Variants in MIAT observed in about 807,000 individuals in gnomAD.
MIAT encodes myocardial infarction associated transcript.
At chr22:26,672,737 A>G (rs1931097094), downstream of MIAT, 1 of 399,030 alleles carries the variant, frequency 2.5e-6, no homozygotes, top group Non-Finnish European at 4.4e-6. Context: ...CGTGTCCCAC[A>G]CCGGAAGTCA....
chr22:26,658,925 G>C (rs1238617358), intron 2 of MIAT, among the ~76,000 whole-genome samples: 1 of 152,222 alleles, frequency 6.6e-6, no homozygotes, highest in Non-Finnish European at 1.5e-5. Flanking sequence ...TTCCCATTTG[G>C]GAGCATCTGG....
chr22:26,657,336 G>A (rs1930495971), intron 2 of MIAT: 1 of 394,984 alleles, frequency 2.5e-6, no homozygotes, highest in Admixed American at 4.4e-5. Flanking sequence ...CGCTTTCCTG[G>A]CCAGGACTCT....
intron 3 of MIAT, chr22:26,665,349 C>T: frequency 2.5e-6 from 1 of 397,844 alleles, no homozygotes. Flanking sequence ...ACAGTTTCCT[C>T]CAGGTTTCTC....
chr22:26,649,553 T>C (rs1930299823), intron 2 of MIAT, among the ~76,000 whole-genome samples: 1 of 152,160 alleles, frequency 6.6e-6, no homozygotes, highest in Admixed American at 6.6e-5. Flanking sequence ...GCTTGGTCTG[T>C]GCAAGGGGCA....
exon 4 of MIAT, chr22:26,666,022 T>C (rs888905164): frequency 2.5e-5 from 10 of 398,554 alleles, no homozygotes; most frequent in Non-Finnish European, 4.4e-5. Flanking sequence ...TCCTTGGCCT[T>C]AGAGTTAAGT....
chr22:26,654,737 G>C (rs1012215093), intron 2 of MIAT, among the ~76,000 whole-genome samples: 1 of 152,004 alleles, frequency 6.6e-6, no homozygotes, highest in Non-Finnish European at 1.5e-5. Flanking sequence ...TTTTGAGACA[G>C]AGTCTCACTT....
At chr22:26,669,831 C>T (rs35870418), downstream of MIAT, 46,205 of 398,734 alleles carry the variant, frequency 0.12, 2,937 homozygotes, top group Non-Finnish European at 0.13. Flanking sequence ...TGCAGGGAGG[C>T]GGAGGCCCTG....
chr22:26,666,752 C>T (rs1398563874), exon 4 of MIAT: 3 of 398,648 alleles, frequency 7.5e-6, no homozygotes, highest in Non-Finnish European at 8.8e-6. Flanking sequence ...GCCTCCCTGG[C>T]TCCTGGTCCT....
chr22:26,661,939 T>TCTATATAGATCC (rs1470339896), intron 2 of MIAT, among the ~76,000 whole-genome samples: 13 of 36,262 alleles, frequency 3.6e-4, no homozygotes, highest in African/African-American at 1.1e-3. Context: ...TATATATATA[T>TCTATATAGATCC]ATATATATAT....
chr22:26,655,501 C>T (rs746496237), intron 2 of MIAT, among the ~76,000 whole-genome samples: 44 of 152,118 alleles, frequency 2.9e-4, no homozygotes, highest in Middle Eastern at 3.2e-3. Context: ...ATAAATATGT[C>T]GTGAGCCCTT....
exon 5 of MIAT, chr22:26,675,307 T>C (rs1332797192): frequency 2.5e-6 from 1 of 398,630 alleles, no homozygotes; most frequent in African/African-American, 2.1e-5. Context: ...TCATGTGGAA[T>C]GTAGCAAGAG....
chr22:26,676,281 G>A (rs1399065155), exon 5 of MIAT: 1 of 398,492 alleles, frequency 2.5e-6, no homozygotes. Context: ...TAACAGACCA[G>A]AAAAGATGTT....
chr22:26,671,884 C>G (rs993936793), downstream of MIAT: 4 of 398,350 alleles, frequency 1.0e-5, no homozygotes, highest in African/African-American at 8.2e-5. Context: ...TGGTTGAACA[C>G]GTCTGCTGCC....
chr22:26,659,805 ATTTTCTTT>A lies in MIAT; in HGVS notation n.647-3500_647-3493del, dbSNP rs1217887577. 1.3e-4 allele frequency among the ~76,000 whole-genome samples: 18 copies of A among 143,018 alleles called. No individual in the cohort carries two copies. The South Asian group carries it at 4.1e-3, about 32-fold the overall frequency. 93.8% of individuals were successfully genotyped at this position (143,018 alleles called of 152,430 possible). A position where few individuals can be genotyped will look rare whatever the true frequency, so the allele number is the denominator to read the frequency against. On this transcript the variant is annotated intron_variant and non_coding_transcript_variant, in intron 2 of 5. Transcript: ENST00000643270. ...AAAGACAAAAAAAAAAGAAAACTCC[ATTTTCTTT>A]TTTTCTTTTTCTTTCTTTCTTTCTT...
chr22:26,648,556 T>A (rs1228188500), intron 2 of MIAT, among the ~76,000 whole-genome samples: 1 of 101,590 alleles, frequency 9.8e-6, no homozygotes, highest in South Asian at 3.1e-4. Context: ...TTGATGGGGT[T>A]TTGTTTTTTT....
intron 2 of MIAT, among the ~76,000 whole-genome samples, chr22:26,649,646 G>A (rs1271501343): frequency 6.6e-6 from 1 of 152,238 alleles, no homozygotes. Flanking sequence ...AGGGCACAGT[G>A]GCTCACGCCT....
intron 2 of MIAT, chr22:26,657,426 G>A (rs1930499719): frequency 2.5e-6 from 1 of 397,626 alleles, no homozygotes. Context: ...AGGGCCGGGG[G>A]TGGGGCGCCT....
exon 5 of MIAT, chr22:26,675,832 G>C (rs370140165): frequency 5.0e-6 from 2 of 398,674 alleles, no homozygotes; most frequent in Non-Finnish European, 4.4e-6. Flanking sequence ...AGCTGATCCT[G>C]GTCCCAGAGA....
chr22:26,657,182 G>GA (rs1432995051), intron 2 of MIAT: 2 of 238,798 alleles, frequency 8.4e-6, no homozygotes, highest in East Asian at 1.6e-4. Flanking sequence ...CTCCAGCCCT[G>GA]AGCTCTCTGC....
Sources: gnomAD v4.1 joint callset for allele counts (sites outside exome capture counted in the v4.1 genomes callset) on GRCh38, gnomAD v4.1.1 for gene constraint, MANE v1.5 for transcripts, NCBI Gene and HGNC (gene_info 2026-07-23, HGNC 2026-07-21) for gene names.